Variants in GLIPR1L2 observed in about 807,000 individuals in gnomAD.
GLIPR1L2 encodes GLIPR1 like 2, also known as GLIPR1-like protein 2.
In GLIPR1L2, 21 loss-of-function variants were observed where a neutral mutation model predicts 28.4. That is an observed-to-expected ratio of 0.74 (90% CI 0.52 to 1.06). GLIPR1L2 has a LOEUF of 1.06. Ranked by LOEUF, GLIPR1L2 falls within the 50% of genes least tolerant of loss-of-function variation. GLIPR1L2 has a pLI of 0.00. For missense variants in GLIPR1L2, 476 were observed against 416.9 expected (o/e 1.14, Z -1.23); for synonymous variants, 145 against 139.3 (o/e 1.04, Z -0.29).
rs1193534950 is a variant in GLIPR1L2 at position 75,431,036 on chromosome 12, G to A, written c.910G>A (p.Glu304Lys). The A allele has an allele frequency of 6.6e-7, 1 of 1,513,476 alleles. No homozygotes were observed. The highest frequency in any genetic ancestry group is 2.0e-5 in the Admixed American group (1 of 50,904). 93.8% of individuals were successfully genotyped at this position (1,513,476 alleles called of 1,614,324 possible). A position where few individuals can be genotyped will look rare whatever the true frequency, so the allele number is the denominator to read the frequency against. Residue 304 changes from glutamate (E) to lysine (K), a missense_variant, in exon 6 of 6, where the codon GAG becomes AAG. Coordinates refer to ENST00000550916, the MANE Select transcript of GLIPR1L2 (RefSeq NM_001270396.2). ...SEAGNEEEEKEEEKKEKEEME... is the reference protein window; with the variant it reads ...SEAGNEEEEKKEEKKEKEEME... ...AGCAGGGAATGAAGAGGAGGAAAAA[G>A]AGGAAGAGAAGAAAGAGAAAGAGGA...
At chr12:75,400,090 G>GA (rs1444628849) in intron 1 of GLIPR1L2, among the ~76,000 whole-genome samples, 1 of 151,496 alleles carries the variant, frequency 6.6e-6, no homozygotes, top group African/African-American at 2.4e-5. Context: ...CACCTGTGGG[G>GA]AAAAAAAAGA....
intron 1 of GLIPR1L2, among the ~76,000 whole-genome samples, chr12:75,400,197 C>T (rs2045724519): frequency 6.6e-6 from 1 of 152,222 alleles, no homozygotes; most frequent in Non-Finnish European, 1.5e-5. Context: ...CGGCTCACTG[C>T]AACCTCTGCC....
Position 75,400,261 on chromosome 12 carries a change from G to C in GLIPR1L2, c.234+8911G>C, listed in dbSNP as rs529884440. 3.3e-5 allele frequency among the ~76,000 whole-genome samples: 5 copies of C among 152,208 alleles called. No homozygotes were observed. In the South Asian group the frequency reaches 1.0e-3, roughly 32 times the overall value. On this transcript the variant is annotated intron_variant, in intron 1 of 5. Coordinates refer to ENST00000550916, the MANE Select transcript of GLIPR1L2 (RefSeq NM_001270396.2). ...AGCCTCCCGAGTAGCTGGGACTACA[G>C]GCACCTGCCACCACGCCCGGCTAAT...
intron 4 of GLIPR1L2, among the ~76,000 whole-genome samples, chr12:75,426,436 A>G (rs1345455183): frequency 1.3e-5 from 2 of 152,234 alleles, no homozygotes; most frequent in Non-Finnish European, 1.5e-5. Context: ...CAAAGCAGAT[A>G]GTTCTCCATT....
At chr12:75,412,545 G>T (rs995142399) in intron 2 of GLIPR1L2, among the ~76,000 whole-genome samples, 11 of 152,048 alleles carry the variant, frequency 7.2e-5, no homozygotes, top group African/African-American at 2.7e-4. Context: ...GATATGAACA[G>T]ACACTTCTCA....
In GLIPR1L2 at chr12:75,391,519, C is replaced by A. The variant is rs1487274105; in HGVS notation, c.234+169C>A. ...AGTTTACACAGAGAAAAACTGCGGACACTCTAACACATGCTTATTACCATG... is the reference window on the plus strand; with the variant it reads ...AGTTTACACAGAGAAAAACTGCGGAAACTCTAACACATGCTTATTACCATG... On this transcript the variant is annotated intron_variant, in intron 1 of 5. Transcript: ENST00000550916. The A allele has an allele frequency of 7.8e-6, 12 of 1,532,830 alleles. No individual in the cohort carries two copies. In the South Asian group the frequency reaches 1.4e-4, roughly 18 times the overall value. 95.0% of individuals were successfully genotyped at this position (1,532,830 alleles called of 1,614,324 possible). A position where few individuals can be genotyped will look rare whatever the true frequency, so the allele number is the denominator to read the frequency against.
intron 4 of GLIPR1L2, among the ~76,000 whole-genome samples, chr12:75,426,293 A>G (rs2046033540): frequency 6.6e-6 from 1 of 152,254 alleles, no homozygotes; most frequent in Non-Finnish European, 1.5e-5. Context: ...TCTGGGTTGA[A>G]TTAGAAAAAT....
At chr12:75,408,265 A>G (rs1266047985) in intron 1 of GLIPR1L2, among the ~76,000 whole-genome samples, 1 of 151,996 alleles carries the variant, frequency 6.6e-6, no homozygotes, top group Non-Finnish European at 1.5e-5. Flanking sequence ...AGCTCTTACA[A>G]TTTATTTGCA....
In GLIPR1L2 at chr12:75,417,464, G is replaced by A. The variant is rs558781173; in HGVS notation, c.584+3763G>A. Among the ~76,000 whole-genome samples, 45 of 152,242 alleles carry A rather than the reference G, an allele frequency of 3.0e-4. 1 individual carries two copies. The East Asian group carries it at 8.3e-3, about 28-fold the overall frequency. ...TGTTGTTTTAGCCACCGAATTTGTG[G>A]TAATTTGTTAATATAGTTACAGAAA... On this transcript the variant is annotated intron_variant, in intron 3 of 5. Coordinates refer to ENST00000550916, the MANE Select transcript of GLIPR1L2 (RefSeq NM_001270396.2).
At chr12:75,396,386 G>T (rs1006465603) in intron 1 of GLIPR1L2, among the ~76,000 whole-genome samples, 8 of 151,896 alleles carry the variant, frequency 5.3e-5, no homozygotes, top group African/African-American at 1.9e-4. Context: ...CTCGCACCTG[G>T]CCCATTATAA....
chr12:75,391,332 G>T lies in GLIPR1L2; in HGVS notation c.216G>T (p.Gly72=), dbSNP rs909509259. ...TGCGGGGCGACGTCATTCCCCGAGG[G>T]TCTAACTTGCGCTTCATGGTGAGGC... ...NELRGDVIPR[G]SNLRFMTWDV... The change falls in exon 1 of 6, where the codon GGG becomes GGT. Residue 72 remains glycine, a synonymous_variant. Transcript: ENST00000550916. The T allele has an allele frequency of 1.2e-6, 2 of 1,614,110 alleles. No homozygotes were observed. Among genetic ancestry groups the T allele is most frequent in the Non-Finnish European group, 1.7e-6 (2 of 1,179,942 alleles).
At chr12:75,397,597 AT>A (rs1205627612) in intron 1 of GLIPR1L2, among the ~76,000 whole-genome samples, 14 of 152,074 alleles carry the variant, frequency 9.2e-5, no homozygotes, top group Non-Finnish European at 1.5e-5. Context: ...TTACATTTAT[AT>A]TTTTTATATT....
At chr12:75,429,938 CTTT>C (rs34354324) in intron 4 of GLIPR1L2, among the ~76,000 whole-genome samples, 1 of 128,642 alleles carries the variant, frequency 7.8e-6, no homozygotes, top group Non-Finnish European at 1.6e-5. Flanking sequence ...TCTTTTCTTT[CTTT>C]TTTTTTTTTT....
At chr12:75,391,940 T>C (rs1201916960) in intron 1 of GLIPR1L2, among the ~76,000 whole-genome samples, 1 of 151,836 alleles carries the variant, frequency 6.6e-6, no homozygotes, top group Non-Finnish European at 1.5e-5. Context: ...TTCCTCACCC[T>C]AGTCTTGACC....
chr12:75,397,257 A>G (rs767930293), intron 1 of GLIPR1L2, among the ~76,000 whole-genome samples: 11 of 148,716 alleles, frequency 7.4e-5, no homozygotes, highest in Non-Finnish European at 1.3e-4. Flanking sequence ...AAATTTCTAG[A>G]CTTTTTTTTT....
chr12:75,398,308 G>A (rs542162024), intron 1 of GLIPR1L2, among the ~76,000 whole-genome samples: 14 of 117,056 alleles, frequency 1.2e-4, no homozygotes, highest in African/African-American at 3.5e-4. Context: ...CAGCCTGGGC[G>A]ATAGAATGAG....
intron 2 of GLIPR1L2, 56 bp downstream of exon 2, chr12:75,410,735 G>T: frequency 1.6e-6 from 2 of 1,272,380 alleles, no homozygotes; most frequent in East Asian, 2.5e-5. Flanking sequence ...ATTTATGCCT[G>T]GTTTTATTAT....
chr12:75,419,439 C>T (rs1455768816), intron 3 of GLIPR1L2, among the ~76,000 whole-genome samples: 1 of 151,980 alleles, frequency 6.6e-6, no homozygotes, highest in Non-Finnish European at 1.5e-5. Context: ...GTAAAGACAT[C>T]TAGTAATGGA....
chr12:75,423,096 T>C (rs749970370), intron 4 of GLIPR1L2, 107 bp downstream of exon 4: 15 of 1,589,640 alleles, frequency 9.4e-6, no homozygotes, highest in Non-Finnish European at 1.1e-5. Flanking sequence ...ATTCCTTTGA[T>C]CAGAATGCTA....
Sources: gnomAD v4.1 joint callset for allele counts (sites outside exome capture counted in the v4.1 genomes callset) on GRCh38, gnomAD v4.1.1 for gene constraint, MANE v1.5 for transcripts, NCBI Gene and HGNC (gene_info 2026-07-23, HGNC 2026-07-21) for gene names.